TRIM37: variants seen among roughly 807,000 people sequenced by gnomAD.
The protein encoded by TRIM37 is E3 ubiquitin-protein ligase TRIM37.
A neutral mutation model predicts 129.8 loss-of-function variants in TRIM37; 80 were observed. The observed-to-expected ratio is 0.62, with a 90% CI of 0.51 to 0.74. TRIM37 has a LOEUF of 0.74. Ranked by LOEUF, TRIM37 falls within the 30% of genes least tolerant of loss-of-function variation. The pLI is 0.00. For synonymous variants in TRIM37, 389 were observed against 387.1 expected (o/e 1.00, Z -0.06); for missense variants, 1,054 against 1,176.5 (o/e 0.90, Z 1.52).
chr17:58,976,822 T>G, the TRIM37 span, among the ~76,000 whole-genome samples: 1 of 152,146 alleles, frequency 6.6e-6, no homozygotes, highest in South Asian at 2.1e-4. Context: ...AGTCTTTTAA[T>G]TGAAGCACTA....
At chr17:59,105,420 A>T (rs918841835) in intron 1 of TRIM37, among the ~76,000 whole-genome samples, 2 of 152,200 alleles carry the variant, frequency 1.3e-5, no homozygotes, top group Admixed American at 6.5e-5. Context: ...TAAATACAAG[A>T]AACAGTATTA....
At chr17:59,070,622 T>A (rs1484156558) in intron 9 of TRIM37, among the ~76,000 whole-genome samples, 2 of 151,804 alleles carry the variant, frequency 1.3e-5, no homozygotes, top group Non-Finnish European at 2.9e-5. Flanking sequence ...ATGTCTATGA[T>A]CCCTAGTAAT....
At chr17:58,980,784 A>G, downstream of TRIM37, 1 of 1,614,134 alleles carries the variant, frequency 6.2e-7, no homozygotes, top group Non-Finnish European at 8.5e-7. This position sits in a 1 kb window ranked among gnomAD's most constrained non-coding sequence, Gnocchi z 4.7. Flanking sequence ...CGCCACCACT[A>G]CTCAAAGAAG....
chr17:59,100,969 C>T (rs754086071), intron 2 of TRIM37, among the ~76,000 whole-genome samples: 1 of 147,206 alleles, frequency 6.8e-6, no homozygotes, highest in African/African-American at 2.5e-5. Context: ...TTGCAGTGAG[C>T]GGAGATCGCG....
intron 2 of TRIM37, among the ~76,000 whole-genome samples, chr17:59,099,035 T>C (rs2045196679): frequency 6.6e-6 from 1 of 151,858 alleles, no homozygotes; most frequent in Non-Finnish European, 1.5e-5. Context: ...ATACAAAAAT[T>C]AGCTGGGTGT....
chr17:58,992,215 A>T (rs1457974026), intron 24 of TRIM37, among the ~76,000 whole-genome samples: 3 of 148,708 alleles, frequency 2.0e-5, no homozygotes, highest in Non-Finnish European at 3.0e-5. Context: ...AGGCCCCTTG[A>T]CTTCAGGACA....
the TRIM37 span, among the ~76,000 whole-genome samples, chr17:58,968,165 G>A: frequency 2.0e-5 from 3 of 152,300 alleles, no homozygotes; most frequent in East Asian, 5.8e-4. Flanking sequence ...GAAAGAACTA[G>A]TTGTAATGTG....
At chr17:59,014,685 T>C (rs2035686324) in intron 21 of TRIM37, among the ~76,000 whole-genome samples, 1 of 144,388 alleles carries the variant, frequency 6.9e-6, no homozygotes, top group African/African-American at 2.6e-5. Context: ...AGCCCAACAC[T>C]AACATCTTTG....
At chr17:59,089,436 A>T (rs749241632) in intron 3 of TRIM37, among the ~76,000 whole-genome samples, 37 of 152,046 alleles carry the variant, frequency 2.4e-4, no homozygotes, top group Non-Finnish European at 7.4e-5. Context: ...AGGTCAGGAG[A>T]TCAAGACCAT....
chr17:59,055,654 C>T (rs1225432528), intron 13 of TRIM37, among the ~76,000 whole-genome samples: 1 of 141,744 alleles, frequency 7.1e-6, no homozygotes, highest in African/African-American at 2.7e-5. Context: ...GCCGATATGT[C>T]GCCTCTGGGC....
At chr17:59,073,387 G>A (rs1209316724) in intron 8 of TRIM37, among the ~76,000 whole-genome samples, 3 of 151,792 alleles carry the variant, frequency 2.0e-5, no homozygotes, top group Non-Finnish European at 2.9e-5. Context: ...TCTGCCTCCC[G>A]GGTTCAAGCA....
chr17:59,053,516 C>G (rs1292703664), intron 13 of TRIM37, among the ~76,000 whole-genome samples: 1 of 151,998 alleles, frequency 6.6e-6, no homozygotes, highest in Non-Finnish European at 1.5e-5. Context: ...CTATATTTTT[C>G]TTATTAGCAA....
At chr17:59,044,872 T>C (rs182975961) in intron 16 of TRIM37, among the ~76,000 whole-genome samples, 2 of 152,054 alleles carry the variant, frequency 1.3e-5, no homozygotes, top group African/African-American at 4.8e-5. Flanking sequence ...CAGTAACATA[T>C]AAAAAGAATC....
rs1268656755 is a variant in TRIM37 at position 59,049,165 on chromosome 17, G to C, written c.1530+13C>G. The C allele has an allele frequency of 1.9e-6, 3 of 1,605,170 alleles. No homozygotes were observed. Among genetic ancestry groups the C allele is most frequent in the Middle Eastern group, 3.3e-4 (2 of 6,016 alleles). On this transcript the variant is annotated intron_variant, in intron 15 of 23. Coordinates refer to ENST00000262294, the MANE Select transcript of TRIM37 (RefSeq NM_015294.6). ...AATCAAACACAAAAATCTAAAACTG[G>C]CCTCATTATTACATGATAATCTTCA...
chr17:59,061,821 A>G (rs975038057), intron 11 of TRIM37, among the ~76,000 whole-genome samples: 3 of 152,122 alleles, frequency 2.0e-5, no homozygotes, highest in African/African-American at 7.2e-5. Context: ...TCCAGTGTCT[A>G]CTGGGATATG....
At chr17:59,092,291 C>T (rs2044465757) in intron 2 of TRIM37, among the ~76,000 whole-genome samples, 1 of 151,052 alleles carries the variant, frequency 6.6e-6, no homozygotes, top group African/African-American at 2.4e-5. Context: ...CCCAGCTACT[C>T]GGGAGGCTGA....
At chr17:58,997,238 C>T (rs1044300041), downstream of TRIM37, among the ~76,000 whole-genome samples, 1 of 152,136 alleles carries the variant, frequency 6.6e-6, no homozygotes, top group Non-Finnish European at 1.5e-5. Context: ...AGAAGCTGGG[C>T]AGAGGGTATA....
At chr17:59,068,390 T>G (rs909030181) in intron 9 of TRIM37, among the ~76,000 whole-genome samples, 11 of 152,336 alleles carry the variant, frequency 7.2e-5, no homozygotes, top group Middle Eastern at 3.4e-3. Context: ...ATGCCACACA[T>G]AGCCCTGACT....
intron 8 of TRIM37, among the ~76,000 whole-genome samples, chr17:59,073,595 C>G (rs2042570133): frequency 6.6e-6 from 1 of 152,144 alleles, no homozygotes; most frequent in Non-Finnish European, 1.5e-5. Flanking sequence ...CGGCCTATTT[C>G]TTTACTTTTT....
Sources: allele counts gnomAD v4.1 joint callset (sites outside exome capture counted in the v4.1 genomes callset), GRCh38; gene constraint gnomAD v4.1.1; non-coding constraint Gnocchi (gnomAD v3.1); transcripts MANE v1.5; gene names NCBI Gene and HGNC (gene_info 2026-07-23, HGNC 2026-07-21).